Variants in COL24A1 observed in about 807,000 individuals in gnomAD.
The protein encoded by COL24A1 is collagen type XXIV alpha 1 chain, also known as collagen alpha-1(XXIV) chain.
COL24A1 carries 224 observed loss-of-function variants against 253.9 expected under a neutral mutation model. The ratio of observed to expected loss-of-function variants is 0.88; its 90% CI spans 0.79 to 0.99. The LOEUF (loss-of-function observed/expected upper bound fraction) is 0.99, where lower values mean the gene tolerates loss of function less well. Among genes scored for constraint, COL24A1 ranks in the 50% least tolerant of loss-of-function variants. The pLI, the probability that COL24A1 is intolerant of heterozygous loss-of-function variation, is 0.00. For missense variants in COL24A1, 2,131 were observed against 2,068.5 expected (o/e 1.03, Z -0.59); for synonymous variants, 685 against 673.7 (o/e 1.02, Z -0.26).
chr1:85,747,872 T>C (rs1312393486), intron 55 of COL24A1, among the ~76,000 whole-genome samples: 1 of 152,218 alleles, frequency 6.6e-6, no homozygotes, highest in African/African-American at 2.4e-5. Context: ...TCCATTGGTC[T>C]GTTTTATACT....
intron 57 of COL24A1, among the ~76,000 whole-genome samples, chr1:85,741,541 G>C (rs1020660569): frequency 6.6e-6 from 1 of 152,142 alleles, no homozygotes; most frequent in Non-Finnish European, 1.5e-5. Flanking sequence ...CTAGAATGCA[G>C]GCCTTTGAAA....
chr1:85,778,304 A>G (rs1237619423), intron 52 of COL24A1, among the ~76,000 whole-genome samples: 2 of 151,980 alleles, frequency 1.3e-5, no homozygotes, highest in African/African-American at 4.8e-5. Context: ...GGATCTCACT[A>G]TATTGCCAAG....
In COL24A1 at chr1:86,059,352, C is replaced by T. The variant is rs1486741700; in HGVS notation, c.1753-178G>A. Among the ~76,000 whole-genome samples, 10 of 152,072 alleles carry T rather than the reference C, an allele frequency of 6.6e-5. No individual in the cohort carries two copies. The East Asian group carries it at 1.9e-3, about 29-fold the overall frequency. On this transcript the variant is annotated intron_variant, in intron 8 of 59. Transcript: ENST00000370571. ...ATGGACAAAAATTGCTAAATAAAAT[C>T]AGTAAACTATTAGATTAGGGCCCTA...
chr1:86,056,972 A>T (rs534893420), intron 10 of COL24A1, among the ~76,000 whole-genome samples: 107 of 152,342 alleles, frequency 7.0e-4, no homozygotes, highest in Non-Finnish European at 1.2e-3. Context: ...AAAGAATTTT[A>T]AAAACATATT....
chr1:85,901,755 T>C (rs1684317268), intron 28 of COL24A1, among the ~76,000 whole-genome samples: 1 of 130,742 alleles, frequency 7.6e-6, no homozygotes, highest in Admixed American at 9.5e-5. Flanking sequence ...CAGGTTGCAG[T>C]GAGCCGAGAT....
chr1:85,994,269 G>A (rs1257913519), intron 19 of COL24A1, among the ~76,000 whole-genome samples: 1 of 151,728 alleles, frequency 6.6e-6, no homozygotes, highest in Non-Finnish European at 1.5e-5. Context: ...GCAAAGCCTT[G>A]GCTGGTGTTG....
At chr1:85,841,134 C>T in intron 42 of COL24A1, 88 bp downstream of exon 42, 2 of 938,208 alleles carry the variant, frequency 2.1e-6, no homozygotes, top group Non-Finnish European at 3.2e-6. Context: ...AAAGAAAACT[C>T]CTTGAAAAGA....
intron 43 of COL24A1, among the ~76,000 whole-genome samples, chr1:85,835,470 T>A (rs1675897973): frequency 6.6e-6 from 1 of 152,048 alleles, no homozygotes; most frequent in African/African-American, 2.4e-5. Context: ...ACATAACACA[T>A]AAAGTATGTC....
At chr1:85,993,444 A>G (rs570373101) in intron 19 of COL24A1, among the ~76,000 whole-genome samples, 2 of 43,712 alleles carry the variant, frequency 4.6e-5, no homozygotes, top group African/African-American at 6.4e-5. Context: ...GAAGCCAGAC[A>G]AAAAAAAAAG....
chr1:85,756,811 G>A (rs778334530), intron 55 of COL24A1, among the ~76,000 whole-genome samples: 5 of 152,176 alleles, frequency 3.3e-5, no homozygotes, highest in Non-Finnish European at 5.9e-5. Flanking sequence ...TAGAAGCAAC[G>A]TAAGTGTCCA....
At chr1:86,013,844 A>G (rs1189514283) in intron 19 of COL24A1, among the ~76,000 whole-genome samples, 1 of 152,188 alleles carries the variant, frequency 6.6e-6, no homozygotes, top group African/African-American at 2.4e-5. Flanking sequence ...TCAAAAAAAC[A>G]TAAACAAAAA....
At chr1:85,867,252 T>C (rs181908866) in intron 37 of COL24A1, among the ~76,000 whole-genome samples, 71 of 152,298 alleles carry the variant, frequency 4.7e-4, no homozygotes, top group Admixed American at 2.7e-3. Context: ...CTGAAAATTA[T>C]AAACACTGTA....
At chr1:85,875,039 T>A (rs970410290) in intron 34 of COL24A1, among the ~76,000 whole-genome samples, 8 of 152,210 alleles carry the variant, frequency 5.3e-5, no homozygotes, top group Non-Finnish European at 1.2e-4. Flanking sequence ...CCTGAAACCA[T>A]CCCCTGCTCT....
At chr1:85,894,710 A>G (rs1010948115) in intron 31 of COL24A1, among the ~76,000 whole-genome samples, 3 of 152,184 alleles carry the variant, frequency 2.0e-5, no homozygotes, top group African/African-American at 7.2e-5. Flanking sequence ...CTCAAGTAAT[A>G]TTCTTTGAGG....
intron 43 of COL24A1, among the ~76,000 whole-genome samples, chr1:85,824,935 TATTATA>T (rs1424820882): frequency 7.8e-6 from 1 of 128,230 alleles, no homozygotes; most frequent in East Asian, 2.5e-4. Flanking sequence ...TTATTATTAT[TATTATA>T]CTTGAAGTTT....
chr1:85,802,261 T>C (rs542211512), intron 47 of COL24A1, among the ~76,000 whole-genome samples: 1 of 152,198 alleles, frequency 6.6e-6, no homozygotes, highest in African/African-American at 2.4e-5. Context: ...ATTACCTTAA[T>C]ACGTCCTTCA....
intron 9 of COL24A1, among the ~76,000 whole-genome samples, chr1:86,058,658 A>G (rs1356537745): frequency 2.0e-5 from 3 of 151,926 alleles, no homozygotes; most frequent in African/African-American, 7.2e-5. Flanking sequence ...TAAAATGATT[A>G]GAATGCATTT....
intron 24 of COL24A1, among the ~76,000 whole-genome samples, chr1:85,939,167 C>T (rs956203159): frequency 2.0e-4 from 31 of 152,010 alleles, no homozygotes; most frequent in African/African-American, 7.3e-4. Context: ...ATACATAAAA[C>T]GTATCTACCG....
intron 24 of COL24A1, among the ~76,000 whole-genome samples, chr1:85,957,030 G>T (rs1571363786): frequency 6.6e-6 from 1 of 152,244 alleles, no homozygotes; most frequent in South Asian, 2.1e-4. Flanking sequence ...AGAATACTAT[G>T]CAGCCATAAA....
Sources: gnomAD v4.1 joint callset for allele counts (sites outside exome capture counted in the v4.1 genomes callset) on GRCh38, gnomAD v4.1.1 for gene constraint, MANE v1.5 for transcripts, NCBI Gene and HGNC (gene_info 2026-07-23, HGNC 2026-07-21) for gene names.